Variants in CCSER1 observed in about 807,000 individuals in gnomAD.
CCSER1 encodes the protein coiled-coil serine rich protein 1, also known as serine-rich coiled-coil domain-containing protein 1.
In CCSER1, 41 loss-of-function variants were observed where a neutral mutation model predicts 82.0. That is an observed-to-expected ratio of 0.50 (90% confidence interval 0.39 to 0.65). The LOEUF (loss-of-function observed/expected upper bound fraction) is 0.65, where lower values mean the gene tolerates loss of function less well. Ranked by LOEUF, CCSER1 falls within the 30% of genes least tolerant of loss-of-function variation. CCSER1 has a pLI of 0.00. For synonymous variants in CCSER1, 414 were observed against 383.9 expected (o/e 1.08, Z -0.92); for missense variants, 1,119 against 1,064.2 (o/e 1.05, Z -0.72).
intron 10 of CCSER1, among the ~76,000 whole-genome samples, chr4:91,480,260 T>C (rs1309017593): frequency 6.6e-6 from 1 of 152,192 alleles, no homozygotes; most frequent in Non-Finnish European, 1.5e-5. Flanking sequence ...ATATACCCAG[T>C]AATGGGATGG....
intron 10 of CCSER1, among the ~76,000 whole-genome samples, chr4:91,155,336 G>C (rs572667093): frequency 3.3e-5 from 5 of 152,020 alleles, no homozygotes; most frequent in South Asian, 2.1e-4. Flanking sequence ...ATGTAAGATG[G>C]CTTTTTGCTC....
chr4:91,057,248 C>A (rs1034900565), intron 9 of CCSER1, among the ~76,000 whole-genome samples: 3 of 152,052 alleles, frequency 2.0e-5, no homozygotes, highest in African/African-American at 7.2e-5. Flanking sequence ...TAGTTAAGAG[C>A]TGAAATTGAT....
At chr4:90,132,928 TTAACC>T (rs1723050690) in intron 1 of CCSER1, among the ~76,000 whole-genome samples, 1 of 152,238 alleles carries the variant, frequency 6.6e-6, no homozygotes, top group South Asian at 2.1e-4. Context: ...GTGACAATTC[TTAACC>T]TAGAGTAGTG....
At chr4:90,355,860 A>G (rs1561085344) in intron 3 of CCSER1, among the ~76,000 whole-genome samples, 1 of 152,012 alleles carries the variant, frequency 6.6e-6, no homozygotes, top group African/African-American at 2.4e-5. Flanking sequence ...TATGGCTGCC[A>G]AAGGGATATT....
chr4:91,378,840 G>A (rs1231066469), intron 10 of CCSER1, among the ~76,000 whole-genome samples: 2 of 152,092 alleles, frequency 1.3e-5, no homozygotes, highest in Non-Finnish European at 2.9e-5. Flanking sequence ...GTTTTCAAAG[G>A]GAATGCTTCC....
At chr4:90,184,558 T>G (rs944476704) in intron 1 of CCSER1, among the ~76,000 whole-genome samples, 1 of 152,116 alleles carries the variant, frequency 6.6e-6, no homozygotes, top group African/African-American at 2.4e-5. Flanking sequence ...AGTATTTTAT[T>G]GAAAGGTTTT....
intron 10 of CCSER1, among the ~76,000 whole-genome samples, chr4:91,131,926 G>A (rs544290494): frequency 1.3e-4 from 19 of 151,868 alleles, no homozygotes; most frequent in African/African-American, 4.6e-4. Context: ...ATGAATCATC[G>A]AAAATCTCTG....
At chr4:91,312,229 G>T (rs1425539650) in intron 10 of CCSER1, among the ~76,000 whole-genome samples, 1 of 151,650 alleles carries the variant, frequency 6.6e-6, no homozygotes, top group Non-Finnish European at 1.5e-5. Flanking sequence ...TAGATTACAA[G>T]AGTTATAATA....
At chr4:91,157,206 C>A (rs902812188) in intron 10 of CCSER1, among the ~76,000 whole-genome samples, 21 of 151,868 alleles carry the variant, frequency 1.4e-4, no homozygotes, top group Non-Finnish European at 2.9e-4. Flanking sequence ...CTTTCAGCAG[C>A]CAAAACTTAT....
intron 1 of CCSER1, among the ~76,000 whole-genome samples, chr4:90,136,827 A>C (rs879451843): frequency 5.3e-5 from 8 of 152,228 alleles, no homozygotes; most frequent in Non-Finnish European, 1.0e-4. Flanking sequence ...GCTCGAAGTG[A>C]GAAAACCATG....
chr4:91,535,661 CAG>C (rs140359198), intron 10 of CCSER1, among the ~76,000 whole-genome samples: 10,845 of 151,866 alleles, frequency 0.071, 562 homozygotes, highest in South Asian at 0.16. Flanking sequence ...TAAGAATAAA[CAG>C]AAATGTGGAA....
At chr4:90,313,933 A>G (rs1735730378) in intron 3 of CCSER1, among the ~76,000 whole-genome samples, 1 of 152,206 alleles carries the variant, frequency 6.6e-6, no homozygotes, top group African/African-American at 2.4e-5. Context: ...CATATATGTG[A>G]AAAATGCTCA....
At chr4:91,122,950 T>G (rs1727214228) in intron 10 of CCSER1, among the ~76,000 whole-genome samples, 1 of 151,762 alleles carries the variant, frequency 6.6e-6, no homozygotes, top group South Asian at 2.1e-4. Flanking sequence ...TCAAATGATT[T>G]TATTTAAATG....
intron 9 of CCSER1, among the ~76,000 whole-genome samples, chr4:91,009,479 G>C (rs1462452238): frequency 6.6e-6 from 1 of 151,196 alleles, no homozygotes; most frequent in Non-Finnish European, 1.5e-5. Flanking sequence ...TCCCAGGTAG[G>C]CTTAGGGATT....
intron 6 of CCSER1, among the ~76,000 whole-genome samples, chr4:90,689,174 C>T (rs13142453): frequency 0.46 from 69,839 of 151,924 alleles, 16,452 homozygotes; most frequent in Middle Eastern, 0.59. Context: ...AAGACATTTT[C>T]TCTGTCAGTC....
intron 10 of CCSER1, among the ~76,000 whole-genome samples, chr4:91,418,051 A>C (rs1311609074): frequency 6.6e-6 from 1 of 152,192 alleles, no homozygotes; most frequent in East Asian, 1.9e-4. Flanking sequence ...TTGAAACATA[A>C]CTTACCAGAA....
chr4:91,302,066 A>G (rs1427908137), intron 10 of CCSER1, among the ~76,000 whole-genome samples: 4 of 151,814 alleles, frequency 2.6e-5, no homozygotes, highest in Non-Finnish European at 4.4e-5. Context: ...CTCAGTTCCA[A>G]CAAAGGACAA....
At chr4:90,227,710 C>T (rs561168460) in intron 1 of CCSER1, among the ~76,000 whole-genome samples, 227 of 152,274 alleles carry the variant, frequency 1.5e-3, no homozygotes, top group Middle Eastern at 3.4e-3. Flanking sequence ...GTCTGAGGTA[C>T]TGGGTTCATC....
intron 9 of CCSER1, among the ~76,000 whole-genome samples, chr4:90,936,994 T>G (rs916706245): frequency 6.6e-6 from 1 of 152,098 alleles, no homozygotes; most frequent in Non-Finnish European, 1.5e-5. Flanking sequence ...GACACTGAGA[T>G]TGTAGCAGTG....
Sources: gnomAD v4.1 joint callset for allele counts (sites outside exome capture counted in the v4.1 genomes callset) on GRCh38, gnomAD v4.1.1 for gene constraint, MANE v1.5 for transcripts, NCBI Gene and HGNC (gene_info 2026-07-23, HGNC 2026-07-21) for gene names.